The following CHSY1 variants were observed in gnomAD, a reference collection of about 807,000 sequenced individuals.
CHSY1 encodes N-acetylgalactosaminyl-proteoglycan 3-beta-glucuronosyltransferase 1.
Under a neutral mutation model 59.8 loss-of-function variants are expected in CHSY1, and 13 were observed. The ratio of observed to expected loss-of-function variants is 0.22; its 90% CI spans 0.14 to 0.35. CHSY1 has a LOEUF of 0.35. CHSY1 is among the 10% of genes least tolerant of loss of function. CHSY1 has a pLI of 1.00. For missense variants in CHSY1, 947 were observed against 1,030.6 expected (o/e 0.92, Z 1.11); for synonymous variants, 459 against 401.2 (o/e 1.14, Z -1.72).
chr15:101,185,699 C>CT (rs10556870), intron 2 of CHSY1, among the ~76,000 whole-genome samples: 234 of 121,354 alleles, frequency 1.9e-3, no homozygotes, highest in Middle Eastern at 4.1e-3. Context: ...CTCGAAATAT[C>CT]TTTTTTTTTT....
intron 2 of CHSY1, among the ~76,000 whole-genome samples, chr15:101,190,105 C>A (rs561693262): frequency 6.6e-6 from 1 of 152,334 alleles, no homozygotes; most frequent in South Asian, 2.1e-4. Context: ...GACTCCACGT[C>A]TGCCATCTCC....
chr15:101,237,474 C>T (rs549502430), intron 1 of CHSY1, among the ~76,000 whole-genome samples: 5 of 152,262 alleles, frequency 3.3e-5, no homozygotes, highest in Admixed American at 6.5e-5. Flanking sequence ...TAAGAGACAA[C>T]GGTTGCCCAT....
At chr15:101,189,904 C>A (rs951521579) in intron 2 of CHSY1, among the ~76,000 whole-genome samples, 1 of 152,246 alleles carries the variant, frequency 6.6e-6, no homozygotes, top group Non-Finnish European at 1.5e-5. Flanking sequence ...TTCCCGCAGC[C>A]CAGCTCCACC....
chr15:101,193,495 AT>A (rs2141248680), intron 2 of CHSY1, among the ~76,000 whole-genome samples: 1 of 102,506 alleles, frequency 9.8e-6, no homozygotes, highest in South Asian at 2.7e-4. Flanking sequence ...CGGAGCAAGC[AT>A]AAACGGCTGG....
At chr15:101,195,513 T>C (rs1363899103) in intron 2 of CHSY1, among the ~76,000 whole-genome samples, 1 of 152,180 alleles carries the variant, frequency 6.6e-6, no homozygotes, top group Admixed American at 6.6e-5. Context: ...GCTACAAACT[T>C]TTTATTACAT....
At chr15:101,192,911 T>C (rs1483206460) in intron 2 of CHSY1, among the ~76,000 whole-genome samples, 2 of 152,166 alleles carry the variant, frequency 1.3e-5, no homozygotes, top group Non-Finnish European at 2.9e-5. Context: ...CACCCAATTT[T>C]AAAAAATGCT....
At chr15:101,190,460 T>C (rs1184022638) in intron 2 of CHSY1, among the ~76,000 whole-genome samples, 1 of 152,134 alleles carries the variant, frequency 6.6e-6, no homozygotes. Flanking sequence ...ACACAGACCT[T>C]ACCCTTCACA....
chr15:101,238,918 C>T (rs2038974159), intron 1 of CHSY1, among the ~76,000 whole-genome samples: 1 of 152,162 alleles, frequency 6.6e-6, no homozygotes, highest in African/African-American at 2.4e-5. Flanking sequence ...TACAAAGGGA[C>T]AAGTCCTTTT....
chr15:101,243,539 C>T (rs2039023047), intron 1 of CHSY1, among the ~76,000 whole-genome samples: 1 of 152,204 alleles, frequency 6.6e-6, no homozygotes, highest in Non-Finnish European at 1.5e-5. Flanking sequence ...CCCACAGCCT[C>T]CACACTGGCT....
Position 101,235,169 on chromosome 15 carries a change from G to A in CHSY1, c.729C>T (p.Leu243=), listed in dbSNP as rs1331973043. ...RRMVPHIGKC[L]REMYTTHEDV... ...CCTCATGGGTGGTGTACATCTCCCG[G>A]AGACACTTGCCAATGTGCGGCACCA... The change falls in exon 2 of 3, where the codon CTC becomes CTT. Residue 243 remains leucine (L), a synonymous_variant. Coordinates refer to ENST00000254190, the MANE Select transcript of CHSY1 (RefSeq NM_014918.5). 4 of 1,614,090 alleles carry A rather than the reference G, an allele frequency of 2.5e-6. No individual in the cohort carries two copies. The highest frequency in any genetic ancestry group is 1.1e-5 in the South Asian group (1 of 91,082).
At chr15:101,218,811 CAT>C (rs958494712) in intron 2 of CHSY1, among the ~76,000 whole-genome samples, 15 of 152,296 alleles carry the variant, frequency 9.8e-5, no homozygotes, top group Non-Finnish European at 1.3e-4. Context: ...CTGTTAAACA[CAT>C]GAGTATACGA....
chr15:101,236,828 AAAAT>A (rs1008828324), intron 1 of CHSY1, among the ~76,000 whole-genome samples: 58 of 151,986 alleles, frequency 3.8e-4, no homozygotes, highest in Admixed American at 6.6e-4. Flanking sequence ...CTGTCTCAAA[AAAAT>A]AAATAAATAA....
intron 2 of CHSY1, among the ~76,000 whole-genome samples, chr15:101,199,976 T>C (rs929440652): frequency 2.6e-5 from 4 of 152,200 alleles, no homozygotes; most frequent in African/African-American, 9.7e-5. Flanking sequence ...CTCTGAAGCA[T>C]CGTTCTGAAT....
chr15:101,178,249 G>C lies in CHSY1; in HGVS notation c.1548C>G (p.Pro516=), dbSNP rs756532940. 26 of 1,614,002 alleles carry C rather than the reference G, an allele frequency of 1.6e-5. No homozygotes were observed. The African/African-American group carries it at 2.5e-4, about 16-fold the overall frequency. The change falls in exon 3 of 3, where the codon CCC becomes CCG. Residue 516 remains proline (P), a synonymous_variant. Transcript: ENST00000254190. ...FLSNSLKKLV[P]FQLPGSKSEH... ...CACTCTTCGACCCAGGGAGCTGAAAGGGGACGAGCTTCTTCAGGGAGTTTG... is the reference window on the plus strand; with the variant it reads ...CACTCTTCGACCCAGGGAGCTGAAACGGGACGAGCTTCTTCAGGGAGTTTG...
At chr15:101,207,937 C>T in intron 2 of CHSY1, among the ~76,000 whole-genome samples, 1 of 152,142 alleles carries the variant, frequency 6.6e-6, no homozygotes, top group Non-Finnish European at 1.5e-5. Flanking sequence ...CTTGGGGCGT[C>T]AGGTAGGCCG....
At chr15:101,224,143 TGTGTAA>T (rs2038816112) in intron 2 of CHSY1, among the ~76,000 whole-genome samples, 1 of 152,240 alleles carries the variant, frequency 6.6e-6, no homozygotes, top group South Asian at 2.1e-4. Context: ...CATCTAGGCT[TGTGTAA>T]GTGCTCTCTA....
intron 2 of CHSY1, among the ~76,000 whole-genome samples, chr15:101,219,784 G>C (rs1466057229): frequency 6.6e-6 from 1 of 152,188 alleles, no homozygotes; most frequent in African/African-American, 2.4e-5. Context: ...TGTTTTTCTT[G>C]AGATGGAGTT....
chr15:101,189,420 A>G, intron 2 of CHSY1: 3 of 985,400 alleles, frequency 3.0e-6, no homozygotes, highest in Non-Finnish European at 2.4e-6. Flanking sequence ...AATTAAAAAC[A>G]AACTTACAGG....
chr15:101,208,743 T>C (rs2038653686), intron 2 of CHSY1, among the ~76,000 whole-genome samples: 1 of 148,812 alleles, frequency 6.7e-6, no homozygotes, highest in South Asian at 2.1e-4. Context: ...TACAGAAGCC[T>C]GCAACAAACA....
Sources: allele counts gnomAD v4.1 joint callset (sites outside exome capture counted in the v4.1 genomes callset), GRCh38; gene constraint gnomAD v4.1.1; transcripts MANE v1.5; gene names NCBI Gene and HGNC (gene_info 2026-07-23, HGNC 2026-07-21).